UGT1A8: variants seen among roughly 807,000 people sequenced by gnomAD.
UGT1A8 encodes UDP glucuronosyltransferase family 1 member A8.
In UGT1A8, 39 loss-of-function variants were observed where a neutral mutation model predicts 45.3. The observed-to-expected ratio is 0.86, with a 90% CI of 0.67 to 1.12. The LOEUF is 1.12. Among genes scored for constraint, UGT1A8 ranks in the 50% most tolerant of loss-of-function variants. The pLI is 0.00. For synonymous variants in UGT1A8, 275 were observed against 249.2 expected (o/e 1.10, Z -0.97); for missense variants, 719 against 664.9 (o/e 1.08, Z -0.90).
intron 1 of UGT1A8, among the ~76,000 whole-genome samples, chr2:233,621,685 T>C (rs2073009823): frequency 1.3e-5 from 2 of 152,184 alleles, no homozygotes; most frequent in African/African-American, 4.8e-5. Flanking sequence ...CATCTATCCC[T>C]TTTTTCTGTC....
At chr2:233,738,575 G>GGA (rs1690841736) in intron 1 of UGT1A8, among the ~76,000 whole-genome samples, 1 of 152,198 alleles carries the variant, frequency 6.6e-6, no homozygotes, top group African/African-American at 2.4e-5. Flanking sequence ...GTTGAGAACT[G>GGA]GAGCAAAGGT....
rs1559334798 is a variant in UGT1A8 at position 233,672,797 on chromosome 2, A to G, written c.855+54235A>G. ...GGAAAGCCGTTGCCTATGGTAAGTT[A>G]TCTCTCCTTTAGCACCTTAAGAATA... On this transcript the variant is annotated intron_variant, in intron 1 of 4. Coordinates refer to ENST00000373450, the MANE Select transcript of UGT1A8 (RefSeq NM_019076.5). The G allele has an allele frequency of 5.6e-6, 9 of 1,612,736 alleles. 1 individual carries two copies. In the South Asian group the frequency reaches 9.9e-5, roughly 18 times the overall value.
chr2:233,769,853 G>T lies in UGT1A8; in HGVS notation c.1295+1414G>T. On this transcript the variant is annotated intron_variant, in intron 4 of 4. Transcript: ENST00000373450. This position sits in a 1 kb window ranked among gnomAD's most constrained non-coding sequence, Gnocchi z 4.4. ...AACCTGGGCAACAGAGTGAGACCCT[G>T]TCTCAAAAAAAAAAAAAAAAATGAA... The T allele has an allele frequency of 4.6e-5, 18 of 388,562 alleles. No individual in the cohort carries two copies. The highest frequency in any genetic ancestry group is 9.6e-5 in the East Asian group (2 of 20,776). 24.1% of individuals were successfully genotyped at this position (388,562 alleles called of 1,614,324 possible).
At chr2:233,622,009 C>T (rs1199171149) in intron 1 of UGT1A8, among the ~76,000 whole-genome samples, 1 of 152,118 alleles carries the variant, frequency 6.6e-6, no homozygotes, top group Non-Finnish European at 1.5e-5. Context: ...TGATAGTTTG[C>T]TGAGAACGAT....
intron 1 of UGT1A8, among the ~76,000 whole-genome samples, chr2:233,718,350 T>C: frequency 6.6e-6 from 1 of 152,358 alleles, no homozygotes; most frequent in Non-Finnish European, 1.5e-5. Flanking sequence ...CTTTTGGATG[T>C]GCTGTGTTAT....
intron 1 of UGT1A8, among the ~76,000 whole-genome samples, chr2:233,704,320 T>G (rs907259559): frequency 1.3e-5 from 2 of 151,752 alleles, no homozygotes; most frequent in African/African-American, 2.4e-5. Context: ...CTTTAATGTT[T>G]TTCTTTCCAC....
chr2:233,729,548 T>G (rs1482576119), intron 1 of UGT1A8: 2 of 1,614,102 alleles, frequency 1.2e-6, no homozygotes, highest in African/African-American at 2.7e-5. Context: ...ATCAGGCACC[T>G]GAATGCTACT....
intron 1 of UGT1A8, chr2:233,729,054 A>G (rs1209768756): frequency 1.2e-6 from 2 of 1,609,876 alleles, no homozygotes; most frequent in Admixed American, 3.3e-5. Context: ...TGACAAGGTA[A>G]TTAAGATGAA....
At chr2:233,645,405 A>C (rs894447880) in intron 1 of UGT1A8, among the ~76,000 whole-genome samples, 4 of 152,242 alleles carry the variant, frequency 2.6e-5, no homozygotes, top group African/African-American at 9.6e-5. Flanking sequence ...CCCTCCCAAC[A>C]GTCCCGCAAA....
chr2:233,634,142 GT>G (rs1192800565), intron 1 of UGT1A8, among the ~76,000 whole-genome samples: 2 of 152,172 alleles, frequency 1.3e-5, no homozygotes, highest in East Asian at 3.8e-4. Context: ...TTAATCCCGA[GT>G]TCTAATTTGA....
At chr2:233,730,730 G>A (rs186110324) in intron 1 of UGT1A8, among the ~76,000 whole-genome samples, 24 of 152,186 alleles carry the variant, frequency 1.6e-4, no homozygotes, top group African/African-American at 4.1e-4. Context: ...AAGAAATGGC[G>A]GAAGGGGCTA....
chr2:233,763,863 G>A (rs1486150283), intron 1 of UGT1A8, among the ~76,000 whole-genome samples: 2 of 152,132 alleles, frequency 1.3e-5, no homozygotes, highest in Non-Finnish European at 1.5e-5. Flanking sequence ...ACAGACAATC[G>A]CAATGCTGGG....
intron 1 of UGT1A8, among the ~76,000 whole-genome samples, chr2:233,708,167 T>G (rs2076006763): frequency 6.6e-6 from 1 of 152,200 alleles, no homozygotes; most frequent in African/African-American, 2.4e-5. Context: ...TGCCGGAAAA[T>G]GGACTTACTG....
In UGT1A8 at chr2:233,769,855, CT is replaced by C; in HGVS notation, c.1295+1417del. 1 of 372,068 alleles carries C rather than the reference CT, an allele frequency of 2.7e-6. No individual in the cohort carries two copies. Among genetic ancestry groups the C allele is most frequent in the Non-Finnish European group, 4.4e-6 (1 of 226,688 alleles). The allele number at this position is 372,068 out of a possible 1,614,324, so 23.0% of individuals were successfully genotyped here. A position where few individuals can be genotyped will look rare whatever the true frequency, so the allele number is the denominator to read the frequency against. On this transcript the variant is annotated intron_variant, in intron 4 of 4. Coordinates refer to ENST00000373450, the MANE Select transcript of UGT1A8 (RefSeq NM_019076.5). This position sits in a 1 kb window ranked among gnomAD's most constrained non-coding sequence, Gnocchi z 4.4. ...CCTGGGCAACAGAGTGAGACCCTGT[CT>C]CAAAAAAAAAAAAAAAAATGAAAAG... is the stretch of plus-strand genomic sequence containing the variant.
At chr2:233,672,237 A>G in intron 1 of UGT1A8, 4 of 1,614,014 alleles carry the variant, frequency 2.5e-6, no homozygotes, top group Non-Finnish European at 3.4e-6. Context: ...GGAAAGCACA[A>G]GTACGAAGTA....
chr2:233,700,397 T>C (rs1172875233), intron 1 of UGT1A8, among the ~76,000 whole-genome samples: 1 of 152,226 alleles, frequency 6.6e-6, no homozygotes, highest in African/African-American at 2.4e-5. Context: ...TGGAACATTT[T>C]GGCAGCAGTG....
intron 1 of UGT1A8, 77 bp from the exon 2 acceptor site, chr2:233,766,957 C>A: frequency 6.2e-7 from 1 of 1,604,766 alleles, no homozygotes; most frequent in East Asian, 2.2e-5. Context: ...AGGAAGATAT[C>A]TAATTCATAA....
chr2:233,622,063 TC>T (rs1448989507), intron 1 of UGT1A8, among the ~76,000 whole-genome samples: 5 of 152,224 alleles, frequency 3.3e-5, no homozygotes. Flanking sequence ...CATGAACTCA[TC>T]CTTTTTTATG....
chr2:233,754,498 C>T, intron 1 of UGT1A8: 1 of 356,952 alleles, frequency 2.8e-6, no homozygotes, highest in South Asian at 2.1e-5. Context: ...TAAAAAAAGT[C>T]CGCTATTCCT....
Sources: allele counts gnomAD v4.1 joint callset (sites outside exome capture counted in the v4.1 genomes callset), GRCh38; gene constraint gnomAD v4.1.1; non-coding constraint Gnocchi (gnomAD v3.1); transcripts MANE v1.5; gene names NCBI Gene and HGNC (gene_info 2026-07-23, HGNC 2026-07-21).